Variants in CRTAP observed in about 807,000 individuals in gnomAD.
CRTAP encodes the protein cartilage-associated protein.
A neutral mutation model predicts 42.7 loss-of-function variants in CRTAP; 33 were observed. The observed-to-expected ratio is 0.77, with a 90% CI of 0.59 to 1.03. CRTAP has a LOEUF of 1.03. CRTAP is among the 50% of genes least tolerant of loss of function. The probability of loss-of-function intolerance (pLI) is 0.00; values close to 1 mark genes in which losing one functional copy is unlikely to be tolerated. For missense variants in CRTAP, 613 were observed against 533.9 expected (o/e 1.15, Z -1.46); for synonymous variants, 243 against 217.7 (o/e 1.12, Z -1.02).
rs780613791 is a variant in CRTAP at position 33,114,049 on chromosome 3, C to CCCTT, written c.-16_-13dup. On this transcript the variant is annotated 5_prime_UTR_variant, in exon 1 of 7. Transcript: ENST00000320954. ...TCCCTCCCCTTTTCCCTTCCTTCGT[C>CCCTT]CCTTCCTTCCTTCCTTTCGCCGGGC... The CCCTT allele has an allele frequency of 4.9e-6, 7 of 1,422,142 alleles. No individual in the cohort carries two copies. Among genetic ancestry groups the CCCTT allele is most frequent in the African/African-American group, 3.0e-5 (2 of 66,506 alleles). The allele number at this position is 1,422,142 out of a possible 1,614,324, so 88.1% of individuals were successfully genotyped here.
chr3:33,114,440 C>T lies in CRTAP; in HGVS notation c.363C>T (p.Arg121=), dbSNP rs758533048. The T allele has an allele frequency of 2.4e-5, 38 of 1,572,986 alleles. No individual in the cohort carries two copies. The East Asian group carries it at 8.6e-4, about 36-fold the overall frequency. ...GLLRRAHCLK[R]CKQGLPAFRQ... ...TGCGCCGCGCGCACTGCCTCAAGCG[C>T]TGCAAGCAGGGCCTGCCAGCCTTCC... Residue 121 remains arginine (R), a synonymous_variant, in exon 1 of 7, where the codon CGC becomes CGT. Transcript: ENST00000320954.
intron 3 of CRTAP, among the ~76,000 whole-genome samples, chr3:33,126,569 A>G (rs536643093): frequency 6.6e-6 from 1 of 152,344 alleles, no homozygotes; most frequent in South Asian, 2.1e-4. Context: ...GGAGGCACAT[A>G]ATGTCTGTGG....
At position 33,121,850 on chromosome 3, in the gene CRTAP, G is replaced by T. The variant is rs190720254; in HGVS notation, c.621+1357G>T. ...GGAGATATGATCTCTTGGGTGGGTG[G>T]GTAGGTGCTGGGAGCGGACCCAGGA... On this transcript the variant is annotated intron_variant, in intron 2 of 6. Transcript: ENST00000320954. 4.8e-3 allele frequency among the ~76,000 whole-genome samples: 725 copies of T among 152,170 alleles called. 3 individuals are homozygous for T. The highest frequency in any genetic ancestry group is 0.017 in the African/African-American group (692 of 41,508).
intron 6 of CRTAP, among the ~76,000 whole-genome samples, chr3:33,139,268 A>C (rs1039191036): frequency 1.3e-5 from 2 of 152,110 alleles, no homozygotes; most frequent in African/African-American, 2.4e-5. Context: ...ATGCCACTGC[A>C]CACTAGGCTA....
At chr3:33,127,215 G>A (rs2030098213) in intron 3 of CRTAP, among the ~76,000 whole-genome samples, 1 of 150,974 alleles carries the variant, frequency 6.6e-6, no homozygotes, top group Non-Finnish European at 1.5e-5. Context: ...TGATTTTGAG[G>A]TCCTGAGATT....
chr3:33,125,316 G>A (rs1450764825), intron 3 of CRTAP, among the ~76,000 whole-genome samples: 1 of 152,120 alleles, frequency 6.6e-6, no homozygotes, highest in South Asian at 2.1e-4. Flanking sequence ...GTCTGGGAAT[G>A]GGCTGAGCAC....
rs1199853848 is a variant in CRTAP at position 33,143,966 on chromosome 3, CTGGAGGG to C, written c.*1520_*1526del. ...CTTCTGCTAAGTGAGATGGGAACCA[CTGGAGGG>C]TTTGAACAGAGGAGTGCCTTGATTG... On this transcript the variant is annotated 3_prime_UTR_variant, in exon 7 of 7. Transcript: ENST00000320954. The C allele has an allele frequency of 6.6e-6, 1 of 152,278 alleles. No homozygotes were observed. The highest frequency in any genetic ancestry group is 1.5e-5 in the Non-Finnish European group (1 of 68,136). 9.4% of individuals were successfully genotyped at this position (152,278 alleles called of 1,614,324 possible).
At chr3:33,118,571 G>A (rs1307184352) in intron 1 of CRTAP, among the ~76,000 whole-genome samples, 1 of 152,240 alleles carries the variant, frequency 6.6e-6, no homozygotes, top group Non-Finnish European at 1.5e-5. Flanking sequence ...ATTCGGTACC[G>A]ATATATGCCA....
At chr3:33,120,645 C>A in intron 2 of CRTAP, 152 bp downstream of exon 2, 1 of 1,198,008 alleles carries the variant, frequency 8.3e-7, no homozygotes, top group Non-Finnish European at 1.2e-6. Context: ...ACTTTTAGCA[C>A]AAAGTGATCC....
At position 33,134,870 on chromosome 3, in the gene CRTAP, A is replaced by G. The variant is rs181723427; in HGVS notation, c.1152+605A>G. ...TTACTGAGAAAGCTGGGGACTTGTCAGCTATTGGAGCTCGAAGAGAGCTGT... is the reference window on the plus strand; with the variant it reads ...TTACTGAGAAAGCTGGGGACTTGTCGGCTATTGGAGCTCGAAGAGAGCTGT... On this transcript the variant is annotated intron_variant, in intron 6 of 6. Transcript: ENST00000320954. Among the ~76,000 whole-genome samples, 3 of 152,314 alleles carry G rather than the reference A, an allele frequency of 2.0e-5. No individual in the cohort carries two copies. The East Asian group carries it at 5.8e-4, about 29-fold the overall frequency.
At chr3:33,135,025 G>A (rs1409410230) in intron 6 of CRTAP, among the ~76,000 whole-genome samples, 1 of 152,148 alleles carries the variant, frequency 6.6e-6, no homozygotes, top group Non-Finnish European at 1.5e-5. Context: ...CATCTTCGTG[G>A]AATTTGTTTT....
intron 6 of CRTAP, among the ~76,000 whole-genome samples, chr3:33,137,253 C>T (rs2030447657): frequency 1.3e-5 from 2 of 152,126 alleles, no homozygotes; most frequent in Admixed American, 1.3e-4. Flanking sequence ...TGATTCCCTG[C>T]CTCAGCCATC....
rs1241060473 is a variant in CRTAP at position 33,114,397 on chromosome 3, G to T, written c.320G>T (p.Arg107Leu). The T allele has an allele frequency of 1.3e-6, 2 of 1,536,866 alleles. No homozygotes were observed. The highest frequency in any genetic ancestry group is 1.2e-5 in the South Asian group (1 of 83,578). The change falls in exon 1 of 7, where the codon CGC becomes CTC. Residue 107 changes from arginine to leucine, a missense_variant. Coordinates refer to ENST00000320954, the MANE Select transcript of CRTAP (RefSeq NM_006371.5). ...AAGLASYPEL[R>L]LFGGLLRRAH... ...GGCCTCGCCAGCTATCCCGAGCTGC[G>T]CCTCTTCGGGGGCCTGCTGCGCCGC... is the stretch of plus-strand genomic sequence containing the variant.
chr3:33,140,962 C>T (rs1242622093), intron 6 of CRTAP, among the ~76,000 whole-genome samples: 2 of 152,050 alleles, frequency 1.3e-5, no homozygotes, highest in Non-Finnish European at 2.9e-5. Flanking sequence ...TTCTTCGTTG[C>T]CAGGAAGGGC....
rs137853938 is a variant in CRTAP, at chr3:33,114,115, C to A, written c.38C>A (p.Ala13Glu). ...CGCCGGGGGGCCGCGGCGCTGCTAGCGCTGCTGTGCGTGGCCTGCGCGCTG... is the reference window on the plus strand; with the variant it reads ...CGCCGGGGGGCCGCGGCGCTGCTAGAGCTGCTGTGCGTGGCCTGCGCGCTG... Reference protein sequence around the residue: ...PGRRGAAALLALLCVACALRA... With the variant: ...PGRRGAAALLELLCVACALRA... Residue 13 changes from alanine to glutamate, a missense_variant, in exon 1 of 7, where the codon GCG becomes GAG. Ala to Glu is a moderately radical substitution (Grantham distance 107, BLOSUM62 -1). Transcript: ENST00000320954. 2.6e-5 allele frequency: 39 copies of A among 1,525,476 alleles called. No individual in the cohort carries two copies. Among genetic ancestry groups the A allele is most frequent in the Non-Finnish European group, 3.3e-5 (38 of 1,147,192 alleles). 94.5% of individuals were successfully genotyped at this position (1,525,476 alleles called of 1,614,324 possible). A position where few individuals can be genotyped will look rare whatever the true frequency, so the allele number is the denominator to read the frequency against.
At chr3:33,125,497 T>TG (rs1276566116) in intron 3 of CRTAP, among the ~76,000 whole-genome samples, 1 of 144,976 alleles carries the variant, frequency 6.9e-6, no homozygotes, top group African/African-American at 2.5e-5. Flanking sequence ...GTAGGTTTTT[T>TG]TTTTTTTTTT....
chr3:33,138,074 T>G (rs2030472439), intron 6 of CRTAP, among the ~76,000 whole-genome samples: 1 of 152,166 alleles, frequency 6.6e-6, no homozygotes, highest in South Asian at 2.1e-4. Flanking sequence ...TTAAAGTTAG[T>G]ACTACACTGT....
chr3:33,124,705 C>T (rs575906940), intron 3 of CRTAP, 126 bp downstream of exon 3: 49 of 1,106,486 alleles, frequency 4.4e-5, no homozygotes, highest in African/African-American at 6.1e-5. Flanking sequence ...TACTTATTAA[C>T]GGGTAACTGA....
In CRTAP at chr3:33,124,422, A is replaced by G; in HGVS notation, c.636A>G (p.Arg212=). 3 of 1,614,112 alleles carry G rather than the reference A, an allele frequency of 1.9e-6. No homozygotes were observed. Among genetic ancestry groups the G allele is most frequent in the Non-Finnish European group, 2.5e-6 (3 of 1,180,030 alleles). Residue 212 remains arginine, a synonymous_variant, in exon 3 of 7, where the codon CGA becomes CGG. Transcript: ENST00000320954. ...ETKSYESLFI[R]AVRAYNGENW... ...ATGCCTTTCAGAGCCTGTTCATCCG[A>G]GCAGTGCGGGCATACAACGGTGAGA...
Sources: allele counts gnomAD v4.1 joint callset (sites outside exome capture counted in the v4.1 genomes callset), GRCh38; gene constraint gnomAD v4.1.1; transcripts MANE v1.5; gene names NCBI Gene and HGNC (gene_info 2026-07-23, HGNC 2026-07-21).